The following RSRC1 variants were observed in gnomAD, a reference collection of about 807,000 sequenced individuals.
The protein encoded by RSRC1 is serine/Arginine-related protein 53.
RSRC1 carries 39 observed loss-of-function variants against 49.1 expected under a neutral mutation model. That is an observed-to-expected ratio of 0.79 (90% CI 0.61 to 1.04). The LOEUF (loss-of-function observed/expected upper bound fraction) is 1.04. RSRC1 is among the 50% of genes least tolerant of loss of function. The pLI, the probability that RSRC1 is intolerant of heterozygous loss-of-function variation, is 0.00. For synonymous variants in RSRC1, 143 were observed against 130.8 expected, an observed-to-expected ratio of 1.09 and a Z score of -0.63; for missense variants, 388 against 402.4, an observed-to-expected ratio of 0.96 and a Z score of 0.31.
At chr3:158,219,853 G>A (rs16828775) in intron 4 of RSRC1, among the ~76,000 whole-genome samples, 11,583 of 151,622 alleles carry the variant, frequency 0.076, 531 homozygotes, top group South Asian at 0.13. Flanking sequence ...ATGATAATGT[G>A]GAGACACTAA....
intron 4 of RSRC1, among the ~76,000 whole-genome samples, chr3:158,274,067 C>T (rs760899137): frequency 3.3e-5 from 5 of 152,072 alleles, no homozygotes; most frequent in East Asian, 1.9e-4. Context: ...ATTTGGAAAC[C>T]GAAGCCATTT....
At chr3:158,255,430 GTTTT>G (rs1724485996) in intron 4 of RSRC1, among the ~76,000 whole-genome samples, 1 of 152,134 alleles carries the variant, frequency 6.6e-6, no homozygotes, top group African/African-American at 2.4e-5. Flanking sequence ...CTATATCTCT[GTTTT>G]GGTACCAGTA....
chr3:158,355,331 A>G, intron 6 of RSRC1, among the ~76,000 whole-genome samples: 1 of 151,736 alleles, frequency 6.6e-6, no homozygotes, highest in Admixed American at 6.6e-5. Flanking sequence ...TAAAACCATA[A>G]AACTTTATAT....
chr3:158,262,300 G>A (rs1342512015), intron 4 of RSRC1, among the ~76,000 whole-genome samples: 1 of 152,122 alleles, frequency 6.6e-6, no homozygotes. Context: ...GTAGTTTTGA[G>A]TATGGTATAA....
At chr3:158,177,775 G>C (rs2108247441) in intron 3 of RSRC1, among the ~76,000 whole-genome samples, 1 of 152,104 alleles carries the variant, frequency 6.6e-6, no homozygotes, top group Middle Eastern at 3.4e-3. Flanking sequence ...ATGTACCCTA[G>C]AACTTAAAGT....
rs535099695 is a variant in RSRC1 at position 158,433,210 on chromosome 3, A to G, written c.584-27725A>G. ...AATTAGCTTATTTAACACAGAAACT[A>G]TACGTATTTTTTCTTGTGGCAAAAT... is the stretch of plus-strand genomic sequence containing the variant. On this transcript the variant is annotated intron_variant, in intron 6 of 9. Transcript: ENST00000611884. 3.9e-5 allele frequency among the ~76,000 whole-genome samples: 6 copies of G among 152,140 alleles called. No individual in the cohort carries two copies. In the South Asian group the frequency reaches 1.2e-3, roughly 32 times the overall value.
At chr3:158,200,017 T>G (rs1261977171) in intron 3 of RSRC1, among the ~76,000 whole-genome samples, 1 of 152,118 alleles carries the variant, frequency 6.6e-6, no homozygotes, top group Non-Finnish European at 1.5e-5. Flanking sequence ...ACTTGCTGTT[T>G]ATATGATGTA....
At chr3:158,512,655 C>A (rs62287890) in intron 7 of RSRC1, among the ~76,000 whole-genome samples, 41 of 148,764 alleles carry the variant, frequency 2.8e-4, no homozygotes, top group African/African-American at 9.8e-4. Context: ...TGTGAAGAAA[C>A]TCATTGGTAG....
At chr3:158,266,991 T>C (rs1297881867) in intron 4 of RSRC1, among the ~76,000 whole-genome samples, 1 of 152,208 alleles carries the variant, frequency 6.6e-6, no homozygotes, top group East Asian at 1.9e-4. Flanking sequence ...CTCAAACCCC[T>C]GAGCTCAAGT....
chr3:158,512,255 G>A (rs1312226802), intron 7 of RSRC1, among the ~76,000 whole-genome samples: 10 of 143,696 alleles, frequency 7.0e-5, no homozygotes, highest in East Asian at 5.9e-4. Context: ...TAGGTCTAAC[G>A]TTTAAGTCTT....
chr3:158,435,045 A>G (rs1158252343), intron 6 of RSRC1, among the ~76,000 whole-genome samples: 1 of 151,976 alleles, frequency 6.6e-6, no homozygotes, highest in Non-Finnish European at 1.5e-5. Context: ...TTTATCATAA[A>G]TCAAAAATAT....
intron 5 of RSRC1, among the ~76,000 whole-genome samples, chr3:158,306,434 T>C (rs1454511903): frequency 6.6e-6 from 1 of 151,972 alleles, no homozygotes; most frequent in Non-Finnish European, 1.5e-5. Context: ...ATACTATTAC[T>C]ATATCATTTA....
At chr3:158,334,692 T>TGTGTGTGTGTATG (rs1729782776) in intron 5 of RSRC1, among the ~76,000 whole-genome samples, 1 of 142,626 alleles carries the variant, frequency 7.0e-6, no homozygotes, top group Non-Finnish European at 1.5e-5. Flanking sequence ...TGTGTATGTG[T>TGTGTGTGTGTATG]TGTGTTTTAG....
At chr3:158,368,477 T>C (rs1731896999) in intron 6 of RSRC1, among the ~76,000 whole-genome samples, 1 of 152,228 alleles carries the variant, frequency 6.6e-6, no homozygotes, top group Admixed American at 6.5e-5. Context: ...TTTGTCCTTA[T>C]GCCCTGCGGG....
intron 5 of RSRC1, among the ~76,000 whole-genome samples, chr3:158,350,956 T>A (rs1730839422): frequency 6.6e-6 from 1 of 152,152 alleles, no homozygotes; most frequent in African/African-American, 2.4e-5. Flanking sequence ...AAAAATGGGT[T>A]GGTATGAAAT....
intron 6 of RSRC1, among the ~76,000 whole-genome samples, chr3:158,418,356 A>G (rs1254099942): frequency 6.6e-6 from 1 of 152,020 alleles, no homozygotes; most frequent in Admixed American, 6.6e-5. Context: ...AACCTGTTCT[A>G]TCTGGAGAAA....
intron 6 of RSRC1, among the ~76,000 whole-genome samples, chr3:158,411,275 T>C (rs1050009956): frequency 6.6e-6 from 1 of 152,160 alleles, no homozygotes; most frequent in Non-Finnish European, 1.5e-5. Flanking sequence ...AAAATGTCTG[T>C]GTCCTGGCAC....
At chr3:158,443,561 C>T (rs1736501977) in intron 6 of RSRC1, among the ~76,000 whole-genome samples, 1 of 152,176 alleles carries the variant, frequency 6.6e-6, no homozygotes. Context: ...TTTGGCTAAG[C>T]TTAATGGTAT....
intron 5 of RSRC1, among the ~76,000 whole-genome samples, chr3:158,332,823 G>C (rs62289489): frequency 2.0e-5 from 3 of 151,492 alleles, no homozygotes; most frequent in Non-Finnish European, 4.4e-5. Context: ...ACATAGTTTT[G>C]TAGTTTTTAA....
Sources: allele counts gnomAD v4.1 joint callset (sites outside exome capture counted in the v4.1 genomes callset), GRCh38; gene constraint gnomAD v4.1.1; transcripts MANE v1.5; gene names NCBI Gene and HGNC (gene_info 2026-07-23, HGNC 2026-07-21).